Variants in NFKB1 observed in about 807,000 individuals in gnomAD.
NFKB1 encodes nuclear factor NF-kappa-B p105 subunit.
In NFKB1, 9 loss-of-function variants were observed where a neutral mutation model predicts 105.1. That is an observed-to-expected ratio of 0.09 (90% CI 0.05 to 0.15). NFKB1 has a LOEUF of 0.15. NFKB1 is among the 10% of genes least tolerant of loss of function. NFKB1 has a pLI of 1.00. For synonymous variants in NFKB1, 440 were observed against 442.2 expected, an observed-to-expected ratio of 1.00 and a Z score of 0.06; for missense variants, 830 against 1,203.7, an observed-to-expected ratio of 0.69 and a Z score of 4.59.
chr4:102,606,812 C>T, intron 17 of NFKB1, 115 bp downstream of exon 17: 1 of 1,112,344 alleles, frequency 9.0e-7, no homozygotes, highest in Middle Eastern at 2.0e-4. Flanking sequence ...CCTTAGTCAC[C>T]TGGAGTTCAT....
rs1311577382 is a variant in NFKB1, at chr4:102,502,390, G to GCGCGCACACA, written c.-8+603_-8+604insGCGCACACAC. Among the ~76,000 whole-genome samples the GCGCGCACACA allele has an allele frequency of 2.3e-3, 242 of 105,382 alleles. 2 individuals carry two copies. The highest frequency in any genetic ancestry group is 0.011 in the East Asian group (36 of 3,370). The allele number at this position is 105,382 out of a possible 152,430, so 69.1% of individuals were successfully genotyped here. A position where few individuals can be genotyped will look rare whatever the true frequency, so the allele number is the denominator to read the frequency against. ...CCCCCCTCCGTGCGCGCGCGCGCGC[G>GCGCGCACACA]CACACACACACACACACACACACAC... On this transcript the variant is annotated intron_variant, in intron 1 of 23. Coordinates refer to ENST00000226574, the MANE Select transcript of NFKB1 (RefSeq NM_003998.4).
At chr4:102,547,705 CT>C (rs894879668) in intron 5 of NFKB1, among the ~76,000 whole-genome samples, 1 of 152,128 alleles carries the variant, frequency 6.6e-6, no homozygotes, top group African/African-American at 2.4e-5. Flanking sequence ...TGAGTGGCAG[CT>C]TTGCTGGTTC....
chr4:102,541,419 T>C (rs1490418416), intron 5 of NFKB1, among the ~76,000 whole-genome samples: 1 of 152,228 alleles, frequency 6.6e-6, no homozygotes, highest in Non-Finnish European at 1.5e-5. Context: ...GTCTGTATAA[T>C]TTCTGTTAGA....
At chr4:102,542,324 C>G (rs1271282403) in intron 5 of NFKB1, among the ~76,000 whole-genome samples, 1 of 152,146 alleles carries the variant, frequency 6.6e-6, no homozygotes, top group East Asian at 1.9e-4. Flanking sequence ...AGAAAATTTC[C>G]ATTTAGCTTT....
In NFKB1 at chr4:102,616,730, A is replaced by T. The variant is rs901983711; in HGVS notation, c.*136A>T. 1 of 870,600 alleles carries T rather than the reference A, an allele frequency of 1.1e-6. No homozygotes were observed. The highest frequency in any genetic ancestry group is 2.7e-5 in the East Asian group (1 of 37,424). 53.9% of individuals were successfully genotyped at this position (870,600 alleles called of 1,614,324 possible). A position where few individuals can be genotyped will look rare whatever the true frequency, so the allele number is the denominator to read the frequency against. On this transcript the variant is annotated 3_prime_UTR_variant, in exon 24 of 24. Coordinates refer to ENST00000226574, the MANE Select transcript of NFKB1 (RefSeq NM_003998.4). The stretch of plus-strand genomic sequence containing the variant: ...TGAATCATTCTCGATTTAACTCGAG[A>T]CCTTTTCAACTTGGCTTCCTTTCTT...
chr4:102,516,885 G>A (rs771334583), intron 1 of NFKB1, among the ~76,000 whole-genome samples: 4 of 152,074 alleles, frequency 2.6e-5, no homozygotes, highest in Non-Finnish European at 5.9e-5. Flanking sequence ...CTTATTTTAG[G>A]ATGTTTCTAA....
intron 2 of NFKB1, among the ~76,000 whole-genome samples, chr4:102,526,033 G>A (rs997243199): frequency 6.6e-6 from 1 of 152,036 alleles, no homozygotes; most frequent in African/African-American, 2.4e-5. Context: ...TTCCTCCATT[G>A]TCACGTGCGC....
At chr4:102,576,780 A>AT (rs531977139) in intron 6 of NFKB1, 96 bp from the exon 7 acceptor site, 473 of 1,251,038 alleles carry the variant, frequency 3.8e-4, no homozygotes, top group Middle Eastern at 1.0e-3. Context: ...GGGCCTGTGT[A>AT]TTTTTTTTTA....
chr4:102,597,436 G>T, intron 14 of NFKB1, 84 bp from the exon 15 acceptor site: 2 of 1,359,796 alleles, frequency 1.5e-6, no homozygotes, highest in Non-Finnish European at 2.0e-6. Context: ...GAACACTGAT[G>T]CTGGTCAGTT....
At chr4:102,531,506 A>G (rs529671108) in intron 3 of NFKB1, among the ~76,000 whole-genome samples, 6 of 152,320 alleles carry the variant, frequency 3.9e-5, no homozygotes, top group African/African-American at 1.4e-4. Context: ...GGATTATTTT[A>G]GTCTTCTAGA....
chr4:102,537,817 G>A (rs1339770602), intron 4 of NFKB1, 41 bp from the exon 5 acceptor site: 3 of 1,226,398 alleles, frequency 2.4e-6, no homozygotes, highest in Non-Finnish European at 3.6e-6. Flanking sequence ...TTTTTAATAA[G>A]TATTTCTCAA....
intron 11 of NFKB1, among the ~76,000 whole-genome samples, chr4:102,588,251 C>T (rs970773981): frequency 1.3e-5 from 2 of 152,080 alleles, no homozygotes; most frequent in African/African-American, 4.8e-5. Flanking sequence ...TGGGTATCAT[C>T]AGGTAAGACA....
chr4:102,593,550 A>G lies in NFKB1; in HGVS notation c.1192A>G (p.Thr398Ala). The G allele has an allele frequency of 1.2e-6, 2 of 1,613,698 alleles. No individual in the cohort carries two copies. Among genetic ancestry groups the G allele is most frequent in the Non-Finnish European group, 1.7e-6 (2 of 1,179,686 alleles). ...MFGSGGGGGG[T>A]GSTGPGYSFP... ...TGGTAGTGGCGGTGGAGGAGGGGGCACTGGAAGTACAGGTCCAGGTACAAA... is the reference window on the plus strand; with the variant it reads ...TGGTAGTGGCGGTGGAGGAGGGGGCGCTGGAAGTACAGGTCCAGGTACAAA... Residue 398 changes from threonine to alanine, a missense_variant, in exon 12 of 24, where the codon ACT (threonine) becomes GCT (alanine). Physicochemically the swap from Thr to Ala is moderately conservative, Grantham distance 58. This residue lies in a region of NFKB1 where 163 missense variants were observed against 164.3 expected (regional missense o/e 0.99). Coordinates refer to ENST00000226574, the MANE Select transcript of NFKB1 (RefSeq NM_003998.4).
chr4:102,612,680 T>A, intron 22 of NFKB1, 74 bp downstream of exon 22: 1 of 1,370,522 alleles, frequency 7.3e-7, no homozygotes, highest in Non-Finnish European at 1.0e-6. Context: ...CAGGGCATAA[T>A]CTCCTTCCCT....
At position 102,534,392 on chromosome 4, in the gene NFKB1, T is replaced by C. The variant is rs563371020; in HGVS notation, c.159+507T>C. Among the ~76,000 whole-genome samples, 3 of 152,278 alleles carry C rather than the reference T, an allele frequency of 2.0e-5. No individual in the cohort carries two copies. The South Asian group carries it at 6.2e-4, about 32-fold the overall frequency. ...AAAGTACCAGTGGGAAGTAAAATGTTAGAATGAACTATTGAATTCTCTTCC... is the reference window on the plus strand; with the variant it reads ...AAAGTACCAGTGGGAAGTAAAATGTCAGAATGAACTATTGAATTCTCTTCC... On this transcript the variant is annotated intron_variant, in intron 4 of 23. Transcript: ENST00000226574.
rs191305087 is a variant in NFKB1, at chr4:102,511,527, T to A, written c.-8+9739T>A. On this transcript the variant is annotated intron_variant, in intron 1 of 23. Transcript: ENST00000226574. ...CCAGTCTCTACAAAAAATTTAAAAA[T>A]TAGCTGGGCATGGTGGCACATGCCT... is the stretch of plus-strand genomic sequence containing the variant. Among the ~76,000 whole-genome samples the A allele has an allele frequency of 3.7e-3, 557 of 152,062 alleles. 3 individuals carry two copies. The highest frequency in any genetic ancestry group is 5.9e-3 in the Non-Finnish European group (398 of 67,990).
chr4:102,504,056 T>C (rs1739264518), intron 1 of NFKB1, among the ~76,000 whole-genome samples: 1 of 152,186 alleles, frequency 6.6e-6, no homozygotes, highest in Non-Finnish European at 1.5e-5. Context: ...TCAGAAGAGG[T>C]GAAAGTTCTG....
chr4:102,551,032 G>A (rs1480972368), intron 5 of NFKB1, among the ~76,000 whole-genome samples: 3 of 152,160 alleles, frequency 2.0e-5, no homozygotes, highest in Non-Finnish European at 4.4e-5. Context: ...ATCAATCAGA[G>A]CCTTGATTTA....
intron 5 of NFKB1, among the ~76,000 whole-genome samples, chr4:102,538,630 CTGTT>C (rs1741792488): frequency 6.6e-6 from 1 of 152,008 alleles, no homozygotes; most frequent in Admixed American, 6.6e-5. Context: ...CATGTTCAGG[CTGTT>C]TGTTTATTTG....
Sources: allele counts gnomAD v4.1 joint callset (sites outside exome capture counted in the v4.1 genomes callset), GRCh38; gene constraint gnomAD v4.1.1; regional missense constraint gnomAD v4.1.1; transcripts MANE v1.5; gene names NCBI Gene and HGNC (gene_info 2026-07-23, HGNC 2026-07-21).